Variants in HTR3B observed in about 807,000 individuals in gnomAD.
HTR3B encodes the protein 5-hydroxytryptamine (serotonin) receptor 3B, ionotropic.
Under a neutral mutation model 42.8 loss-of-function variants are expected in HTR3B, and 44 were observed. The ratio of observed to expected loss-of-function variants is 1.03; its 90% CI spans 0.81 to 1.32. The LOEUF (loss-of-function observed/expected upper bound fraction) is 1.32. HTR3B is among the 40% of genes most tolerant of loss of function. The probability of loss-of-function intolerance (pLI) is 0.00; values close to 1 mark genes in which losing one functional copy is unlikely to be tolerated. For synonymous variants in HTR3B, 203 were observed against 209.0 expected (o/e 0.97, Z 0.25); for missense variants, 527 against 536.5 (o/e 0.98, Z 0.17).
At chr11:113,930,275 G>A (rs1950020330) in intron 2 of HTR3B, among the ~76,000 whole-genome samples, 1 of 151,926 alleles carries the variant, frequency 6.6e-6, no homozygotes, top group Non-Finnish European at 1.5e-5. Flanking sequence ...CTAATTCAAA[G>A]TCATGAAGAT....
intron 6 of HTR3B, among the ~76,000 whole-genome samples, chr11:113,937,840 G>A (rs1294145772): frequency 1.3e-5 from 2 of 152,228 alleles, no homozygotes; most frequent in Non-Finnish European, 2.9e-5. Flanking sequence ...TAACAAAGTA[G>A]CCCAAACTGG....
In HTR3B at chr11:113,948,258, C is replaced by T. The variant is rs1950194071; in HGVS notation, c.*2121C>T. 1.3e-5 allele frequency among the ~76,000 whole-genome samples: 2 copies of T among 152,306 alleles called. No homozygotes were observed. Among genetic ancestry groups the T allele is most frequent in the South Asian group, 2.1e-4 (1 of 4,816 alleles). ...CCTGATGTCACCTTAGCTTGCCATC[C>T]ATGTCGATTCTGGCTTTCTCCACTT... On this transcript the variant is annotated 3_prime_UTR_variant, in exon 9 of 9. Coordinates refer to ENST00000260191, the MANE Select transcript of HTR3B (RefSeq NM_006028.5).
intron 3 of HTR3B, 128 bp downstream of exon 3, chr11:113,931,556 T>A: frequency 2.8e-6 from 2 of 704,734 alleles, no homozygotes; most frequent in East Asian, 2.7e-5. Flanking sequence ...AGACCTAATG[T>A]ATTATAATTC....
At chr11:113,914,403 G>C (rs906945767) in intron 2 of HTR3B, among the ~76,000 whole-genome samples, 2 of 151,124 alleles carry the variant, frequency 1.3e-5, no homozygotes, top group African/African-American at 4.9e-5. Context: ...GGCGGAGGTT[G>C]CAGTGAGCCG....
At position 113,905,661 on chromosome 11, in the gene HTR3B, A is replaced by T. The variant is rs552945427; in HGVS notation, c.52+676A>T. On this transcript the variant is annotated intron_variant, in intron 1 of 8. Transcript: ENST00000260191. Reference sequence around the variant, plus strand: ...ACTGAATTGAATCATTTTAGTTAGGATACAATTGATTCTTAGTACATGCGC... The same window carrying T: ...ACTGAATTGAATCATTTTAGTTAGGTTACAATTGATTCTTAGTACATGCGC... 1.3e-4 allele frequency among the ~76,000 whole-genome samples: 20 copies of T among 152,304 alleles called. No individual in the cohort carries two copies. The South Asian group carries it at 4.1e-3, about 32-fold the overall frequency.
chr11:113,924,458 T>G (rs1565560993), intron 2 of HTR3B, among the ~76,000 whole-genome samples: 1 of 151,732 alleles, frequency 6.6e-6, no homozygotes, highest in Non-Finnish European at 1.5e-5. Flanking sequence ...TCTACAAAAA[T>G]TAATAATAAT....
At chr11:113,920,579 G>A (rs1301996545) in intron 2 of HTR3B, among the ~76,000 whole-genome samples, 4 of 151,682 alleles carry the variant, frequency 2.6e-5, no homozygotes, top group African/African-American at 9.7e-5. Context: ...ACACTATGTT[G>A]GCCAGACTGG....
At chr11:113,934,163 G>T (rs967331475) in intron 6 of HTR3B, among the ~76,000 whole-genome samples, 1 of 152,224 alleles carries the variant, frequency 6.6e-6, no homozygotes, top group Non-Finnish European at 1.5e-5. Flanking sequence ...AAGGCAGGCA[G>T]ATCATTTGAG....
intron 2 of HTR3B, among the ~76,000 whole-genome samples, chr11:113,922,574 G>A (rs1422141951): frequency 1.3e-5 from 2 of 151,528 alleles, no homozygotes; most frequent in Admixed American, 1.3e-4. Context: ...TTTTCTGAGC[G>A]AGACGCAGTC....
intron 6 of HTR3B, among the ~76,000 whole-genome samples, chr11:113,935,693 G>A (rs1950085929): frequency 6.6e-6 from 1 of 152,184 alleles, no homozygotes; most frequent in Non-Finnish European, 1.5e-5. Context: ...GGCCAGTGAT[G>A]TGAAATTCAG....
the HTR3B span, among the ~76,000 whole-genome samples, chr11:113,899,640 A>G: frequency 6.6e-6 from 1 of 152,244 alleles, no homozygotes; most frequent in Non-Finnish European, 1.5e-5. Context: ...CTGGTATAGC[A>G]GTAATTAAAA....
chr11:113,941,648 G>A (rs764933992), intron 6 of HTR3B, among the ~76,000 whole-genome samples: 1 of 152,118 alleles, frequency 6.6e-6, no homozygotes, highest in Admixed American at 6.5e-5. Flanking sequence ...GGTCATGCTT[G>A]ACCAGTAGGG....
rs1336018707 is a variant in HTR3B, at chr11:113,904,828, G to A, written c.-106G>A. 45 of 846,744 alleles carry A rather than the reference G, an allele frequency of 5.3e-5. No homozygotes were observed. Among genetic ancestry groups the A allele is most frequent in the Non-Finnish European group, 7.8e-5 (39 of 498,392 alleles). The allele number at this position is 846,744 out of a possible 1,614,324, so 52.5% of individuals were successfully genotyped here. On this transcript the variant is annotated 5_prime_UTR_variant, in exon 1 of 9. Coordinates refer to ENST00000260191, the MANE Select transcript of HTR3B (RefSeq NM_006028.5). ...GTAAGGATAGCATCAACTGGCAAAC[G>A]GAGAAGGAGGAGAACAGAGTGGAGA...
the HTR3B span, among the ~76,000 whole-genome samples, chr11:113,899,163 G>A: frequency 3.5e-4 from 53 of 152,218 alleles, no homozygotes; most frequent in African/African-American, 1.2e-3. Flanking sequence ...CAAAAACCAC[G>A]AAAGGCCAGA....
At chr11:113,937,565 A>G (rs1950101274) in intron 6 of HTR3B, among the ~76,000 whole-genome samples, 1 of 152,346 alleles carries the variant, frequency 6.6e-6, no homozygotes, top group East Asian at 1.9e-4. Context: ...TCACATCCCT[A>G]GGAGATGAGT....
At chr11:113,899,028 A>G in the HTR3B span, among the ~76,000 whole-genome samples, 1 of 152,158 alleles carries the variant, frequency 6.6e-6, no homozygotes, top group African/African-American at 2.4e-5. Context: ...AGCAGTAAGG[A>G]GTTTGACCAA....
At chr11:113,944,262 C>T (rs1353373690) in intron 7 of HTR3B, among the ~76,000 whole-genome samples, 2 of 152,130 alleles carry the variant, frequency 1.3e-5, no homozygotes, top group African/African-American at 4.8e-5. Flanking sequence ...TTGTGATCCA[C>T]CCGCCTCAGC....
chr11:113,935,981 G>A (rs972461438), intron 6 of HTR3B, among the ~76,000 whole-genome samples: 2 of 152,118 alleles, frequency 1.3e-5, no homozygotes, highest in Admixed American at 6.5e-5. Flanking sequence ...GACACAAATT[G>A]TTTATCAGAG....
chr11:113,938,275 A>G (rs920557981), intron 6 of HTR3B, among the ~76,000 whole-genome samples: 3 of 152,160 alleles, frequency 2.0e-5, no homozygotes, highest in African/African-American at 7.2e-5. Flanking sequence ...CTTCTGCTCC[A>G]TGTGCAAATT....
Sources: gnomAD v4.1 joint callset for allele counts (sites outside exome capture counted in the v4.1 genomes callset) on GRCh38, gnomAD v4.1.1 for gene constraint, MANE v1.5 for transcripts, NCBI Gene and HGNC (gene_info 2026-07-23, HGNC 2026-07-21) for gene names.